EPHA6: variants seen among roughly 807,000 people sequenced by gnomAD.
EPHA6 encodes the protein ephrin type-A receptor 6.
In EPHA6, 50 loss-of-function variants were observed where a neutral mutation model predicts 112.0. That is an observed-to-expected ratio of 0.45 (90% CI 0.36 to 0.56). The LOEUF is 0.56. Among genes scored for constraint, EPHA6 ranks in the 20% least tolerant of loss-of-function variants. EPHA6 has a pLI of 0.00. For synonymous variants in EPHA6, 529 were observed against 490.7 expected, an observed-to-expected ratio of 1.08 and a Z score of -1.03; for missense variants, 1,280 against 1,417.4, an observed-to-expected ratio of 0.90 and a Z score of 1.56.
chr3:97,736,437 C>A (rs1452290525), intron 16 of EPHA6, among the ~76,000 whole-genome samples: 2 of 145,506 alleles, frequency 1.4e-5, no homozygotes, highest in Non-Finnish European at 3.0e-5. Flanking sequence ...TCCTTCCTTA[C>A]CTTTAGAAGT....
At chr3:97,557,174 T>A (rs1156803641) in intron 11 of EPHA6, among the ~76,000 whole-genome samples, 4 of 152,062 alleles carry the variant, frequency 2.6e-5, no homozygotes, top group Non-Finnish European at 4.4e-5. Context: ...TGATTTTTTT[T>A]AAATACTGAA....
intron 14 of EPHA6, among the ~76,000 whole-genome samples, chr3:97,649,687 A>T (rs1411235597): frequency 6.6e-6 from 1 of 152,028 alleles, no homozygotes; most frequent in East Asian, 1.9e-4. Context: ...AAACAACAAA[A>T]ATCCAAGCTG....
At chr3:97,571,445 A>G (rs374595226) in intron 11 of EPHA6, among the ~76,000 whole-genome samples, 105 of 152,316 alleles carry the variant, frequency 6.9e-4, no homozygotes, top group African/African-American at 2.2e-3. Flanking sequence ...AATTTCTCCA[A>G]AATTTAAGTG....
chr3:97,614,558 T>G (rs115925489), intron 13 of EPHA6, among the ~76,000 whole-genome samples: 2,855 of 150,076 alleles, frequency 0.019, 103 homozygotes, highest in African/African-American at 0.067. Context: ...TTCACCACAT[T>G]GGCCAGGATG....
intron 2 of EPHA6, among the ~76,000 whole-genome samples, chr3:96,950,039 C>A (rs758229693): frequency 1.6e-4 from 25 of 152,096 alleles, no homozygotes; most frequent in Non-Finnish European, 3.4e-4. Flanking sequence ...AAATAAAGTT[C>A]TATTCAGGGA....
At chr3:97,681,067 T>C (rs2031824078) in intron 14 of EPHA6, among the ~76,000 whole-genome samples, 1 of 151,862 alleles carries the variant, frequency 6.6e-6, no homozygotes, top group Non-Finnish European at 1.5e-5. Context: ...AGTAGTCAAA[T>C]AGTGAAAAAT....
In EPHA6 at chr3:96,816,821, T is replaced by C. The variant is rs535333103; in HGVS notation, c.385+1813T>C. Among the ~76,000 whole-genome samples, 3 of 152,202 alleles carry C rather than the reference T, an allele frequency of 2.0e-5. No homozygotes were observed. In the South Asian group the frequency reaches 6.2e-4, roughly 32 times the overall value. On this transcript the variant is annotated intron_variant, in intron 1 of 17. Transcript: ENST00000389672. ...TAAAGCATGACCTTTCAGACATTCA[T>C]AGTAAATTTAAAAGCATCGAGATGT...
intron 2 of EPHA6, among the ~76,000 whole-genome samples, chr3:96,891,214 A>G (rs2037941481): frequency 1.3e-5 from 2 of 152,240 alleles, no homozygotes; most frequent in African/African-American, 2.4e-5. Flanking sequence ...AAAATATATA[A>G]ATAAATGGTT....
At position 97,448,672 on chromosome 3, in the gene EPHA6, A is replaced by T; in HGVS notation, c.1836A>T (p.Arg612Ser). 6.2e-7 allele frequency: 1 copy of T among 1,613,544 alleles called. No individual in the cohort carries two copies. Among genetic ancestry groups the T allele is most frequent in the Non-Finnish European group, 8.5e-7 (1 of 1,179,592 alleles). The part of the protein sequence containing the change: ...ATKYVFHIRV[R>S]TATGYSGYSQ... ...AATATGTATTTCACATCCGAGTGAG[A>T]ACTGCGACAGGATACAGTGGCTACA... The change falls in exon 7 of 18, where the codon AGA becomes AGT. Residue 612 changes from arginine to serine, a missense_variant. By Grantham distance (110) the Arg-to-Ser change is moderately radical (BLOSUM62 -1). Coordinates refer to ENST00000389672, the MANE Select transcript of EPHA6 (RefSeq NM_001080448.3).
At chr3:97,296,139 G>A (rs1218938358) in intron 5 of EPHA6, among the ~76,000 whole-genome samples, 1 of 152,084 alleles carries the variant, frequency 6.6e-6, no homozygotes, top group Non-Finnish European at 1.5e-5. Flanking sequence ...GCTCCCTAGT[G>A]ACTCATACTG....
At chr3:96,823,481 A>G (rs1243899338) in intron 1 of EPHA6, among the ~76,000 whole-genome samples, 1 of 151,220 alleles carries the variant, frequency 6.6e-6, no homozygotes, top group Non-Finnish European at 1.5e-5. Flanking sequence ...AATCTTAGCT[A>G]AAACTTTTTT....
intron 10 of EPHA6, among the ~76,000 whole-genome samples, chr3:97,505,850 G>A (rs924477979): frequency 1.3e-5 from 2 of 152,126 alleles, no homozygotes; most frequent in African/African-American, 4.8e-5. Context: ...AGCATCTGTT[G>A]TTTCCTGACT....
intron 10 of EPHA6, among the ~76,000 whole-genome samples, chr3:97,496,969 C>G (rs2091996187): frequency 1.3e-5 from 2 of 152,262 alleles, no homozygotes; most frequent in South Asian, 4.1e-4. Flanking sequence ...CATTCCCTGT[C>G]AGCTCTGCCT....
chr3:97,466,449 T>G, intron 7 of EPHA6: 1 of 1,543,024 alleles, frequency 6.5e-7, no homozygotes, highest in Non-Finnish European at 9.0e-7. Flanking sequence ...AAAACTGTAC[T>G]GGCTTAATGA....
At chr3:97,566,189 G>A (rs1042798352) in intron 11 of EPHA6, among the ~76,000 whole-genome samples, 2 of 152,208 alleles carry the variant, frequency 1.3e-5, no homozygotes, top group Admixed American at 1.3e-4. Context: ...GATGGGGGAG[G>A]TGCCACAATT....
intron 3 of EPHA6, among the ~76,000 whole-genome samples, chr3:96,994,600 A>T (rs2107874193): frequency 6.6e-6 from 1 of 151,498 alleles, no homozygotes; most frequent in South Asian, 2.1e-4. Context: ...TTAAACATTA[A>T]TTTAGGATGA....
intron 5 of EPHA6, among the ~76,000 whole-genome samples, chr3:97,292,126 A>G (rs1465591240): frequency 1.3e-5 from 2 of 152,218 alleles, no homozygotes; most frequent in East Asian, 3.9e-4. Flanking sequence ...AAGCAGACAT[A>G]CCACAAGCGG....
intron 3 of EPHA6, among the ~76,000 whole-genome samples, chr3:97,031,400 T>A (rs1482773583): frequency 6.6e-6 from 1 of 151,904 alleles, no homozygotes; most frequent in Non-Finnish European, 1.5e-5. Context: ...GGACTTCATG[T>A]CTAAAACACC....
chr3:96,842,345 C>T (rs1204770098), intron 1 of EPHA6, among the ~76,000 whole-genome samples: 1 of 152,000 alleles, frequency 6.6e-6, no homozygotes, highest in Non-Finnish European at 1.5e-5. Flanking sequence ...CTGTTAACTG[C>T]CCTTTACCTG....
Sources: allele counts gnomAD v4.1 joint callset (sites outside exome capture counted in the v4.1 genomes callset), GRCh38; gene constraint gnomAD v4.1.1; transcripts MANE v1.5; gene names NCBI Gene and HGNC (gene_info 2026-07-23, HGNC 2026-07-21).